Variants in HUWE1 observed in about 807,000 individuals in gnomAD.
The protein encoded by HUWE1 is HECT, UBA and WWE domain containing E3 ubiquitin protein ligase 1, also known as E3 ubiquitin-protein ligase HUWE1.
A neutral mutation model predicts 299.4 loss-of-function variants in HUWE1; 18 were observed. The observed-to-expected ratio is 0.06, with a 90% confidence interval of 0.04 to 0.09. The LOEUF is 0.09. Among genes scored for constraint, HUWE1 ranks in the 10% least tolerant of loss-of-function variants. HUWE1 has a pLI of 1.00. For missense variants in HUWE1, 1,832 were observed against 3,462.3 expected (o/e 0.53, Z 11.82); for synonymous variants, 1,317 against 1,286.1 (o/e 1.02, Z -0.51).
Position 53,592,657 on chromosome X carries a change from A to G in HUWE1, c.3742-29T>C, listed in dbSNP as rs201283269. On this transcript the variant is annotated intron_variant, in intron 32 of 83. Coordinates refer to ENST00000262854, the MANE Select transcript of HUWE1 (RefSeq NM_031407.7). ...TAAGTAATTTGAAAAGTGTGTGAAA[A>G]TCATTTTGCTTCAATTCAAAGCTCA... The G allele has an allele frequency of 2.0e-4, 210 of 1,049,173 alleles. No individual in the cohort carries two copies. In the East Asian group the frequency reaches 6.5e-3, roughly 33 times the overall value. 86.5% of individuals were successfully genotyped at this position (1,049,173 alleles called of 1,213,427 possible). A position where few individuals can be genotyped will look rare whatever the true frequency, so the allele number is the denominator to read the frequency against.
At chrX:53,579,578 A>G (rs2063500305) in intron 43 of HUWE1, among the ~76,000 whole-genome samples, 1 of 107,033 alleles carries the variant, frequency 9.3e-6, no homozygotes, top group Non-Finnish European at 1.9e-5. Context: ...TAGACATGGG[A>G]GACTTTTCAT....
chrX:53,660,030 G>C (rs1005509718), intron 3 of HUWE1, among the ~76,000 whole-genome samples: 7 of 111,990 alleles, frequency 6.3e-5, no homozygotes, highest in African/African-American at 2.3e-4. Flanking sequence ...TACTATACTA[G>C]TCAAGTGTCT....
Position 53,560,348 on chromosome X carries a change from T to C in HUWE1, c.7576A>G (p.Ser2526Gly). Residue 2526 changes from serine (S) to glycine (G), a missense_variant, in exon 56 of 84, where the codon AGT becomes GGT. By Grantham distance (56) the Ser-to-Gly change is moderately conservative. Around this residue, in one of 15 missense-constraint regions of HUWE1, gnomAD observed 170 missense variants for 335.8 expected, o/e 0.51. Transcript: ENST00000262854. ...GAGCCACTGCCCAGTGTCAGAGAACTGTGGTCTGCATGGCGCACCATCAGT... is the reference window on the plus strand; with the variant it reads ...GAGCCACTGCCCAGTGTCAGAGAACCGTGGTCTGCATGGCGCACCATCAGT... ...HPLMVRHADH[S>G]SLTLGSGSST... 8.3e-7 allele frequency: 1 copy of C among 1,211,790 alleles called. No homozygotes were observed. Among genetic ancestry groups the C allele is most frequent in the Non-Finnish European group, 1.1e-6 (1 of 895,482 alleles).
chrX:53,597,147 A>G (rs1021075804), intron 29 of HUWE1, among the ~76,000 whole-genome samples: 13 of 111,749 alleles, frequency 1.2e-4, no homozygotes, highest in Non-Finnish European at 9.4e-5. Flanking sequence ...TAAAGCCAGT[A>G]AAGGATAATT....
rs782293924 is a variant in HUWE1 at position 53,558,726 on chromosome X, G to A, written c.8089C>T (p.Leu2697=). The A allele has an allele frequency of 1.7e-6, 2 of 1,209,816 alleles. No individual in the cohort carries two copies. Among genetic ancestry groups the A allele is most frequent in the Non-Finnish European group, 2.2e-6 (2 of 893,729 alleles). The change falls in exon 59 of 84, where the codon CTG becomes TTG. Residue 2697 remains leucine, a synonymous_variant. Coordinates refer to ENST00000262854, the MANE Select transcript of HUWE1 (RefSeq NM_031407.7). ...GTTATCTTTGTTTCTTCCTCAGCCA[G>A]TTGTTTCCTGCGCTTCTCTCGCCTT... The part of the protein sequence containing the change: ...EERREKRRKQ[L]AEEETKITDK...
chrX:53,624,713 T>C (rs374575196), intron 18 of HUWE1, 38 bp from the exon 19 acceptor site: 10 of 988,609 alleles, frequency 1.0e-5, no homozygotes, highest in African/African-American at 3.8e-5. Context: ...ATACGAATAG[T>C]CTGGAAAGGT....
Position 53,608,839 on chromosome X carries a change from T to G in HUWE1, c.2319+13A>C. 9.3e-7 allele frequency: 1 copy of G among 1,077,950 alleles called. No individual in the cohort carries two copies. The highest frequency in any genetic ancestry group is 3.0e-5 in the East Asian group (1 of 33,276). The allele number at this position is 1,077,950 out of a possible 1,213,427, so 88.8% of individuals were successfully genotyped here. ...ATACATCTTTACTCAGTTTGCCCTG[T>G]GTTGAATCTTACCACATTAAGGATG... On this transcript the variant is annotated intron_variant, in intron 24 of 83. Coordinates refer to ENST00000262854, the MANE Select transcript of HUWE1 (RefSeq NM_031407.7).
chrX:53,663,642 C>T (rs928027999), intron 3 of HUWE1, among the ~76,000 whole-genome samples: 2 of 111,495 alleles, frequency 1.8e-5, no homozygotes, highest in Non-Finnish European at 3.8e-5. Flanking sequence ...CTTGAAAAGA[C>T]GGAGTAACTG....
intron 18 of HUWE1, among the ~76,000 whole-genome samples, 193 bp downstream of exon 18, chrX:53,624,963 TA>T (rs1557015782): frequency 9.0e-6 from 1 of 111,160 alleles, no homozygotes; most frequent in Admixed American, 9.5e-5. Flanking sequence ...AAAAAAAGGG[TA>T]AATCATTATG....
Position 53,559,215 on chromosome X carries a change from C to T in HUWE1, c.7915+139G>A. On this transcript the variant is annotated intron_variant, in intron 57 of 83. Transcript: ENST00000262854. The stretch of plus-strand genomic sequence containing the variant: ...CCTAGAGACAATAAAGTTTTTGTTG[C>T]CCATGGCTAAGTCACTGAGTGGTTC... 5.0e-6 allele frequency: 4 copies of T among 798,288 alleles called. No homozygotes were observed. The Admixed American group carries it at 7.4e-5, about 15-fold the overall frequency. 65.8% of individuals were successfully genotyped at this position (798,288 alleles called of 1,213,427 possible).
rs185689236 is a variant in HUWE1 at position 53,608,038 on chromosome X, T to G, written c.2320-339A>C. ...CTATTTAGTGCTCCTTGCCTACCTC[T>G]CTCCTGCAGGCAAACATCATGGAAA... On this transcript the variant is annotated intron_variant, in intron 24 of 83. Transcript: ENST00000262854. Among the ~76,000 whole-genome samples, 7 of 111,860 alleles carry G rather than the reference T, an allele frequency of 6.3e-5. No homozygotes were observed. The East Asian group carries it at 2.0e-3, about 31-fold the overall frequency.
chrX:53,563,146 C>A (rs1204499768), intron 52 of HUWE1, among the ~76,000 whole-genome samples: 1 of 112,335 alleles, frequency 8.9e-6, no homozygotes, highest in East Asian at 2.8e-4. Context: ...AGGATGATCA[C>A]ATCTGCCCTG....
chrX:53,616,025 A>C, intron 21 of HUWE1, among the ~76,000 whole-genome samples, 190 bp from the exon 22 acceptor site: 1 of 109,791 alleles, frequency 9.1e-6, no homozygotes. Context: ...CGATCCTCCC[A>C]CCTCAGCCCT....
At chrX:53,681,446 AAAGT>A (rs2070143772) in intron 2 of HUWE1, among the ~76,000 whole-genome samples, 1 of 110,106 alleles carries the variant, frequency 9.1e-6, no homozygotes, top group Non-Finnish European at 1.9e-5. Context: ...AAAAAAAAAA[AAAGT>A]AAGGAAAACT....
intron 17 of HUWE1, among the ~76,000 whole-genome samples, chrX:53,627,171 C>T (rs1235200792): frequency 9.0e-6 from 1 of 111,576 alleles, no homozygotes; most frequent in African/African-American, 3.3e-5. Context: ...ATTAACACCA[C>T]AGCTATAGCA....
intron 25 of HUWE1, among the ~76,000 whole-genome samples, chrX:53,605,790 A>G (rs2065116813): frequency 8.9e-6 from 1 of 112,071 alleles, no homozygotes; most frequent in Non-Finnish European, 1.9e-5. Context: ...TACAGTGATC[A>G]AAACTGTGAT....
intron 46 of HUWE1, among the ~76,000 whole-genome samples, 195 bp from the exon 47 acceptor site, chrX:53,574,159 G>C (rs1385133668): frequency 8.9e-6 from 1 of 112,267 alleles, no homozygotes; most frequent in Non-Finnish European, 1.9e-5. Flanking sequence ...CAGTACAACA[G>C]GGATGCTTTG....
intron 58 of HUWE1, 45 bp from the exon 59 acceptor site, chrX:53,558,854 G>A: frequency 8.3e-7 from 1 of 1,199,662 alleles, no homozygotes; most frequent in Non-Finnish European, 1.1e-6. Context: ...GGTGGGGTCA[G>A]GGAGGAAGCC....
intron 23 of HUWE1, among the ~76,000 whole-genome samples, chrX:53,609,845 T>C (rs1425475927): frequency 8.9e-6 from 1 of 111,743 alleles, no homozygotes; most frequent in Non-Finnish European, 1.9e-5. Context: ...GTAGTTCTCA[T>C]CTTTGAGCAA....
Sources: allele counts gnomAD v4.1 joint callset (sites outside exome capture counted in the v4.1 genomes callset), GRCh38; gene constraint gnomAD v4.1.1; regional missense constraint gnomAD v4.1.1; transcripts MANE v1.5; gene names NCBI Gene and HGNC (gene_info 2026-07-23, HGNC 2026-07-21).